Variants in UACA observed in about 807,000 individuals in gnomAD.
UACA encodes uveal autoantigen with coiled-coil domains and ankyrin repeats.
In UACA, 112 loss-of-function variants were observed where a neutral mutation model predicts 160.5. The ratio of observed to expected loss-of-function variants is 0.70; its 90% CI spans 0.60 to 0.82. The LOEUF is 0.82. Ranked by LOEUF, UACA falls within the 40% of genes least tolerant of loss-of-function variation. The pLI is 0.00. For synonymous variants in UACA, 557 were observed against 568.4 expected (o/e 0.98, Z 0.29); for missense variants, 1,574 against 1,614.6 (o/e 0.97, Z 0.43).
chr15:70,764,139 A>G (rs2030941886), upstream of UACA, among the ~76,000 whole-genome samples: 1 of 152,206 alleles, frequency 6.6e-6, no homozygotes, highest in Non-Finnish European at 1.5e-5. Flanking sequence ...AGTAAGTTAC[A>G]GTACAAGTTA....
At chr15:70,749,421 G>A (rs999254541) in intron 1 of UACA, 4 of 173,578 alleles carry the variant, frequency 2.3e-5, no homozygotes, top group Non-Finnish European at 3.7e-5. Context: ...AGCTACTTGG[G>A]AGGCTGAGGC....
At chr15:70,741,557 G>A (rs1242348473) in intron 1 of UACA, among the ~76,000 whole-genome samples, 1 of 152,080 alleles carries the variant, frequency 6.6e-6, no homozygotes, top group Non-Finnish European at 1.5e-5. Context: ...TTATAAAGTT[G>A]GCTTTGTGTT....
chr15:70,677,169 T>G, intron 11 of UACA, 29 bp from the exon 12 acceptor site: 1 of 1,559,334 alleles, frequency 6.4e-7, no homozygotes, highest in South Asian at 1.2e-5. Context: ...CAAAATATTT[T>G]AATTCTTAAA....
chr15:70,687,635 T>G lies in UACA; in HGVS notation c.507A>C (p.Thr169=). 1 of 1,613,936 alleles carries G rather than the reference T, an allele frequency of 6.2e-7. No individual in the cohort carries two copies. Among genetic ancestry groups the G allele is most frequent in the Non-Finnish European group, 8.5e-7 (1 of 1,179,854 alleles). Residue 169 remains threonine (T), a synonymous_variant, in exon 7 of 19, where the codon ACA becomes ACC. Coordinates refer to ENST00000322954, the MANE Select transcript of UACA (RefSeq NM_018003.4). ...SVNAKDVDGR[T]PLVLATQMSR... is the part of the protein sequence containing the mutation. ...TCATCTGAGTAGCCAGAACAAGTGG[T>G]GTCCGCCCGTCCTAAGCAACAGGAA...
intron 18 of UACA, among the ~76,000 whole-genome samples, chr15:70,658,582 AT>A (rs1179716895): frequency 6.6e-6 from 1 of 152,206 alleles, no homozygotes; most frequent in African/African-American, 2.4e-5. Context: ...GAAACCAAGT[AT>A]CTTTTTTACA....
intron 16 of UACA, among the ~76,000 whole-genome samples, chr15:70,666,459 C>A (rs894676336): frequency 6.6e-6 from 1 of 152,214 alleles, no homozygotes; most frequent in African/African-American, 2.4e-5. Context: ...GCTTTTGACT[C>A]TTCATGTATG....
intron 17 of UACA, among the ~76,000 whole-genome samples, chr15:70,662,731 T>A (rs1284466858): frequency 6.6e-6 from 1 of 152,198 alleles, no homozygotes; most frequent in Admixed American, 6.5e-5. Context: ...ATCTGATCTT[T>A]GACAAACCTG....
intron 3 of UACA, among the ~76,000 whole-genome samples, chr15:70,693,245 CA>C (rs1898002744): frequency 6.6e-6 from 1 of 152,092 alleles, no homozygotes; most frequent in East Asian, 1.9e-4. Context: ...AAGGAAATAT[CA>C]AATCTAGCCA....
chr15:70,710,759 G>A (rs1898660546), intron 1 of UACA, among the ~76,000 whole-genome samples: 1 of 152,232 alleles, frequency 6.6e-6, no homozygotes, highest in Non-Finnish European at 1.5e-5. Context: ...CAAAGAATGT[G>A]GGAAGGCGTG....
the UACA span, among the ~76,000 whole-genome samples, chr15:70,768,620 A>G: frequency 6.6e-6 from 1 of 152,136 alleles, no homozygotes; most frequent in African/African-American, 2.4e-5. Flanking sequence ...AAAACAGGCT[A>G]CTCAGCCTGG....
intron 17 of UACA, 141 bp downstream of exon 17, chr15:70,664,521 T>C: frequency 2.0e-6 from 2 of 1,003,336 alleles, no homozygotes; most frequent in South Asian, 4.6e-5. Context: ...CCAGTATAGG[T>C]AACTTTTCGC....
intron 1 of UACA, among the ~76,000 whole-genome samples, chr15:70,708,804 A>T (rs946913241): frequency 6.6e-6 from 1 of 152,110 alleles, no homozygotes; most frequent in African/African-American, 2.4e-5. Context: ...ACAAATATTA[A>T]TTTTTTTAAA....
At chr15:70,687,905 G>A in intron 5 of UACA, 85 bp from the exon 6 acceptor site, 2 of 1,324,968 alleles carry the variant, frequency 1.5e-6, no homozygotes, top group Admixed American at 2.1e-5. Flanking sequence ...TAAGGAATAA[G>A]TTTTTCAATT....
intron 3 of UACA, 24 bp from the exon 4 acceptor site, chr15:70,691,387 T>G (rs1566978017): frequency 6.5e-7 from 1 of 1,541,992 alleles, no homozygotes; most frequent in East Asian, 2.3e-5. Context: ...AAGATACATG[T>G]GAAGGATTAT....
At chr15:70,718,319 A>AAT (rs1566989707) in intron 1 of UACA, among the ~76,000 whole-genome samples, 17 of 94,004 alleles carry the variant, frequency 1.8e-4, no homozygotes, top group African/African-American at 5.5e-4. Context: ...GGAGAGAGAG[A>AAT]GAGAATGTGT....
upstream of UACA, chr15:70,768,024 A>G (rs1417484480): frequency 6.6e-6 from 1 of 152,238 alleles, no homozygotes; most frequent in East Asian, 1.9e-4. Flanking sequence ...CTTTAAAAGA[A>G]TCTGTATTTT....
intron 1 of UACA, among the ~76,000 whole-genome samples, chr15:70,750,013 G>A (rs935150392): frequency 6.6e-6 from 1 of 152,164 alleles, no homozygotes; most frequent in East Asian, 1.9e-4. Context: ...ATCACAAGGG[G>A]CTAGCAGGCT....
chr15:70,742,608 A>T (rs1264377855), intron 1 of UACA, among the ~76,000 whole-genome samples: 1 of 152,168 alleles, frequency 6.6e-6, no homozygotes, highest in Non-Finnish European at 1.5e-5. Context: ...TATAAAAAGG[A>T]GTATCATAAC....
rs553290640 is a variant in UACA, at chr15:70,663,716, G to C, written c.4113+946C>G. Reference sequence around the variant, plus strand: ...AAAAAAGGATGAGTTCATGTCCTTTGTAGGGACATGGATGAAGCTGGAAAC... The same window carrying C: ...AAAAAAGGATGAGTTCATGTCCTTTCTAGGGACATGGATGAAGCTGGAAAC... On this transcript the variant is annotated intron_variant, in intron 17 of 18. Transcript: ENST00000322954. Among the ~76,000 whole-genome samples, 401 of 152,186 alleles carry C rather than the reference G, an allele frequency of 2.6e-3. 2 individuals are homozygous for C. Among genetic ancestry groups the C allele is most frequent in the Middle Eastern group, 0.01 (3 of 294 alleles).
Sources: allele counts gnomAD v4.1 joint callset (sites outside exome capture counted in the v4.1 genomes callset), GRCh38; gene constraint gnomAD v4.1.1; transcripts MANE v1.5; gene names NCBI Gene and HGNC (gene_info 2026-07-23, HGNC 2026-07-21).